The following TULP4 variants were observed in gnomAD, a reference collection of about 807,000 sequenced individuals.
TULP4 encodes tubby-related protein 4.
A neutral mutation model predicts 129.0 loss-of-function variants in TULP4; 16 were observed. The observed-to-expected ratio is 0.12, with a 90% CI of 0.08 to 0.19. The LOEUF (loss-of-function observed/expected upper bound fraction) is 0.19. Ranked by LOEUF, TULP4 falls within the 10% of genes least tolerant of loss-of-function variation. The pLI, the probability that TULP4 is intolerant of heterozygous loss-of-function variation, is 1.00. For missense variants in TULP4, 1,842 were observed against 2,059.1 expected (o/e 0.89, Z 2.04); for synonymous variants, 998 against 854.0 (o/e 1.17, Z -2.94).
chr6:158,350,092 G>A (rs1383213421), intron 1 of TULP4, among the ~76,000 whole-genome samples: 1 of 149,010 alleles, frequency 6.7e-6, no homozygotes, highest in Non-Finnish European at 1.5e-5. Context: ...TCCCAGACGG[G>A]GCAGCCGGGC....
chr6:158,269,620 A>G (rs1778510926), intron 1 of TULP4, among the ~76,000 whole-genome samples: 1 of 152,216 alleles, frequency 6.6e-6, no homozygotes, highest in African/African-American at 2.4e-5. Context: ...AATCAGGGTC[A>G]ATGATAATTG....
intron 1 of TULP4, among the ~76,000 whole-genome samples, chr6:158,260,048 C>A (rs559791188): frequency 6.6e-6 from 1 of 152,300 alleles, no homozygotes; most frequent in South Asian, 2.1e-4. Flanking sequence ...CAGTCTCCAG[C>A]CCCTCTTCTT....
At chr6:158,486,359 C>G (rs1780065494) in intron 8 of TULP4, among the ~76,000 whole-genome samples, 1 of 152,162 alleles carries the variant, frequency 6.6e-6, no homozygotes, top group Non-Finnish European at 1.5e-5. Context: ...CAAGACCATC[C>G]TGGCTAACAA....
chr6:158,394,385 T>C (rs1562548385), intron 1 of TULP4, among the ~76,000 whole-genome samples: 1 of 152,080 alleles, frequency 6.6e-6, no homozygotes, highest in Admixed American at 6.5e-5. Context: ...CTTTGCCTAT[T>C]ACCCAGTTTC....
intron 6 of TULP4, among the ~76,000 whole-genome samples, chr6:158,474,377 G>C (rs1779764240): frequency 6.6e-6 from 1 of 152,174 alleles, no homozygotes; most frequent in Admixed American, 6.5e-5. Context: ...GGCACTGCCT[G>C]GTTTTCCCTG....
chr6:158,504,712 A>G (rs117061303), intron 13 of TULP4, among the ~76,000 whole-genome samples: 9,039 of 151,586 alleles, frequency 0.06, 359 homozygotes, highest in Non-Finnish European at 0.088. Context: ...ATTGGTCTCA[A>G]ACTCCTGGGT....
intron 3 of TULP4, among the ~76,000 whole-genome samples, chr6:158,444,995 T>G (rs941344524): frequency 2.6e-5 from 4 of 152,126 alleles, no homozygotes; most frequent in African/African-American, 9.7e-5. Flanking sequence ...TTGTTTTTTT[T>G]AGAGGACAGG....
chr6:158,284,105 G>A (rs1490349009), intron 1 of TULP4, among the ~76,000 whole-genome samples: 1 of 152,126 alleles, frequency 6.6e-6, no homozygotes, highest in Non-Finnish European at 1.5e-5. Flanking sequence ...AAAATCCATA[G>A]GTGGGGAAAA....
At chr6:158,422,511 G>T (rs933592095) in intron 2 of TULP4, among the ~76,000 whole-genome samples, 1 of 152,186 alleles carries the variant, frequency 6.6e-6, no homozygotes, top group African/African-American at 2.4e-5. Flanking sequence ...GAACACCAGG[G>T]TTCTTAATTC....
intron 2 of TULP4, among the ~76,000 whole-genome samples, chr6:158,422,293 TATAA>T (rs1778363641): frequency 6.6e-6 from 1 of 152,220 alleles, no homozygotes; most frequent in South Asian, 2.1e-4. Flanking sequence ...TGGGCATAGC[TATAA>T]ATAGAGATTA....
At chr6:158,501,513 C>T (rs1429980045) in intron 12 of TULP4, among the ~76,000 whole-genome samples, 165 bp from the exon 13 acceptor site, 1 of 152,190 alleles carries the variant, frequency 6.6e-6, no homozygotes, top group African/African-American at 2.4e-5. Flanking sequence ...ACCCATCTCC[C>T]TTGTGCGAGC....
intron 8 of TULP4, among the ~76,000 whole-genome samples, chr6:158,481,848 A>G (rs986284546): frequency 6.6e-6 from 1 of 152,080 alleles, no homozygotes; most frequent in Non-Finnish European, 1.5e-5. Flanking sequence ...TTGCTCAGTT[A>G]ATGTATTCAA....
intron 1 of TULP4, among the ~76,000 whole-genome samples, chr6:158,399,916 C>T (rs1401094770): frequency 6.6e-6 from 1 of 152,194 alleles, no homozygotes; most frequent in Non-Finnish European, 1.5e-5. Flanking sequence ...CTTCTCTCTG[C>T]CTCCAACTTC....
chr6:158,282,292 T>C (rs1370068892), exon 1 of TULP4: 5 of 152,150 alleles, frequency 3.3e-5, no homozygotes, highest in Non-Finnish European at 5.9e-5. Context: ...TCTCCACGTT[T>C]AGGTGCACAA....
chr6:158,237,637 G>T, intron 1 of TULP4: 1 of 1,368,084 alleles, frequency 7.3e-7, no homozygotes, highest in Non-Finnish European at 1.0e-6. Flanking sequence ...TTCTGGATCT[G>T]GGGTAAGTTT....
chr6:158,397,257 G>A (rs1777740072), intron 1 of TULP4, among the ~76,000 whole-genome samples: 1 of 152,170 alleles, frequency 6.6e-6, no homozygotes, highest in Non-Finnish European at 1.5e-5. Context: ...CACTTGTGCT[G>A]TTACTCTGAC....
chr6:158,503,097 C>T lies in TULP4; in HGVS notation c.3434C>T (p.Pro1145Leu). The change falls in exon 13 of 14, where the codon CCC becomes CTC. Residue 1145 changes from proline (P) to leucine (L), a missense_variant. Pro to Leu is a moderately conservative substitution (Grantham distance 98). Around this residue, in one of 5 missense-constraint regions of TULP4, gnomAD observed 1,089 missense variants for 987.1 expected, o/e 1.10. Transcript: ENST00000367097. The surrounding 1 kb of genome is among the most constrained non-coding windows in gnomAD (Gnocchi z 4.3). ...PQERTAQTSG[P>L]NPLKLSSLML... ...GAAAGGACAGCACAGACTTCAGGGC[C>T]CAACCCCTTAAAACTGTCCTCTCTG... 1.2e-6 allele frequency: 2 copies of T among 1,614,136 alleles called. No individual in the cohort carries two copies. Among genetic ancestry groups the T allele is most frequent in the Non-Finnish European group, 1.7e-6 (2 of 1,180,022 alleles).
intron 1 of TULP4, among the ~76,000 whole-genome samples, chr6:158,365,484 T>A (rs1780915057): frequency 6.6e-6 from 1 of 151,430 alleles, no homozygotes; most frequent in South Asian, 2.1e-4. Flanking sequence ...TTTTCTTTTT[T>A]TTTTGTTTTT....
At position 158,395,675 on chromosome 6, in the gene TULP4, G is replaced by GGGGGC. The variant is rs374125332; in HGVS notation, c.253-17387_253-17386insGCGGG. ...CTGAGGTAAAGTGATGGGCGGGGGG[G>GGGGGC]GGGTCATGGCAGAAGCACCTGGGAT... On this transcript the variant is annotated intron_variant, in intron 1 of 13. Transcript: ENST00000367097. Among the ~76,000 whole-genome samples the GGGGGC allele has an allele frequency of 2.2e-4, 19 of 88,076 alleles. 1 individual carries two copies. The highest frequency in any genetic ancestry group is 9.5e-4 in the African/African-American group (18 of 19,044). The allele number at this position is 88,076 out of a possible 152,430, so 57.8% of individuals were successfully genotyped here.
Sources: gnomAD v4.1 joint callset for allele counts (sites outside exome capture counted in the v4.1 genomes callset) on GRCh38, gnomAD v4.1.1 for gene constraint, gnomAD v4.1.1 regional missense constraint, Gnocchi (gnomAD v3.1) non-coding constraint, MANE v1.5 for transcripts, NCBI Gene and HGNC (gene_info 2026-07-23, HGNC 2026-07-21) for gene names.